SERTM2: variants seen among roughly 807,000 people sequenced by gnomAD.
SERTM2 encodes serine-rich and transmembrane domain-containing protein 2.
intron 2 of SERTM2, among the ~76,000 whole-genome samples, chrX:111,516,442 A>G (rs988604272): frequency 1.0e-4 from 11 of 110,023 alleles, no homozygotes; most frequent in African/African-American, 3.6e-4. Context: ...TAGCTGGGCT[A>G]TCTAGAGAGA....
rs1244073873 is a variant in SERTM2 at position 111,520,518 on chromosome X, T to C, written c.*1388T>C. ...TAATGATGGTAAGAGAGAAATCAAA[T>C]AGATGTTAGATTAATGCCACCTCCA... On this transcript the variant is annotated 3_prime_UTR_variant, in exon 3 of 3. Transcript: ENST00000569275. The C allele has an allele frequency of 1.8e-5, 2 of 111,908 alleles. No individual in the cohort carries two copies. Among genetic ancestry groups the C allele is most frequent in the African/African-American group, 3.3e-5 (1 of 30,766 alleles). The allele number at this position is 111,908 out of a possible 1,213,427, so 9.2% of individuals were successfully genotyped here. A position where few individuals can be genotyped will look rare whatever the true frequency, so the allele number is the denominator to read the frequency against.
Position 111,518,683 on chromosome X carries a change from C to T in SERTM2, c.-175C>T, listed in dbSNP as rs1367321339. 6.8e-6 allele frequency: 2 copies of T among 292,882 alleles called. No individual in the cohort carries two copies. Among genetic ancestry groups the T allele is most frequent in the Non-Finnish European group, 1.2e-5 (2 of 168,533 alleles). The allele number at this position is 292,882 out of a possible 1,213,427, so 24.1% of individuals were successfully genotyped here. A position where few individuals can be genotyped will look rare whatever the true frequency, so the allele number is the denominator to read the frequency against. On this transcript the variant is annotated 5_prime_UTR_variant, in exon 3 of 3. Coordinates refer to ENST00000569275, the MANE Select transcript of SERTM2 (RefSeq NM_001354473.2). Reference sequence around the variant, plus strand: ...AGGATAGAGAGGGTGTTGCAATTGTCAAATAGCATCACCATTTTCTGCTTG... The same window carrying T: ...AGGATAGAGAGGGTGTTGCAATTGTTAAATAGCATCACCATTTTCTGCTTG...
intron 2 of SERTM2, among the ~76,000 whole-genome samples, chrX:111,514,957 T>C (rs1332410933): frequency 9.1e-6 from 1 of 110,138 alleles, no homozygotes; most frequent in Non-Finnish European, 1.9e-5. Flanking sequence ...TATTGGTTAT[T>C]GGTTATTTCT....
intron 1 of SERTM2, 24 bp downstream of exon 1, chrX:111,511,858 G>A: frequency 3.6e-6 from 1 of 280,760 alleles, no homozygotes; most frequent in East Asian, 5.0e-5. Flanking sequence ...GACATTTTAA[G>A]TAACATTTTA....
Position 111,512,062 on chromosome X carries a change from G to T in SERTM2, c.-816G>T. On this transcript the variant is annotated 5_prime_UTR_variant, in exon 2 of 3. Transcript: ENST00000569275. ...AAAGCTTCAAAAGGGATACTTAAGTGACCAATCCTATTCATACTGTGGGCC... is the reference window on the plus strand; with the variant it reads ...AAAGCTTCAAAAGGGATACTTAAGTTACCAATCCTATTCATACTGTGGGCC... 3.4e-6 allele frequency: 1 copy of T among 296,237 alleles called. No individual in the cohort carries two copies. Among genetic ancestry groups the T allele is most frequent in the South Asian group, 2.0e-4 (1 of 5,002 alleles). 24.4% of individuals were successfully genotyped at this position (296,237 alleles called of 1,213,427 possible).
At chrX:111,516,561 T>C (rs1165807104) in intron 2 of SERTM2, among the ~76,000 whole-genome samples, 2 of 110,932 alleles carry the variant, frequency 1.8e-5, no homozygotes, top group African/African-American at 6.6e-5. Flanking sequence ...AATATCAAAA[T>C]AGCTGCACTT....
chrX:111,514,890 T>G (rs918913063), intron 2 of SERTM2, among the ~76,000 whole-genome samples: 28 of 106,440 alleles, frequency 2.6e-4, no homozygotes, highest in African/African-American at 8.5e-4. Context: ...GGCATAGGGG[T>G]GTGTGTGTGT....
intron 2 of SERTM2, among the ~76,000 whole-genome samples, chrX:111,516,396 T>C (rs780632766): frequency 1.3e-4 from 14 of 109,540 alleles, no homozygotes; most frequent in Non-Finnish European, 2.5e-4. Context: ...AAGTACAGCC[T>C]CCAAACAACC....
At chrX:111,515,520 C>T (rs1256343121) in intron 2 of SERTM2, among the ~76,000 whole-genome samples, 1 of 111,345 alleles carries the variant, frequency 9.0e-6, no homozygotes, top group Non-Finnish European at 1.9e-5. Flanking sequence ...GTGCTCTGTT[C>T]TATTTGTAGA....
At position 111,520,757 on chromosome X, in the gene SERTM2, T is replaced by G. The variant is rs760286761; in HGVS notation, c.*1627T>G. Reference sequence around the variant, plus strand: ...CTGACTCTGCCACACCTGTTACAACTGTGCACTGTCAGAGATGGGAGCTGC... The same window carrying G: ...CTGACTCTGCCACACCTGTTACAACGGTGCACTGTCAGAGATGGGAGCTGC... On this transcript the variant is annotated 3_prime_UTR_variant, in exon 3 of 3. Coordinates refer to ENST00000569275, the MANE Select transcript of SERTM2 (RefSeq NM_001354473.2). 6 of 112,473 alleles carry G rather than the reference T, an allele frequency of 5.3e-5. No individual in the cohort carries two copies. Among genetic ancestry groups the G allele is most frequent in the African/African-American group, 1.3e-4 (4 of 30,904 alleles). 9.3% of individuals were successfully genotyped at this position (112,473 alleles called of 1,213,427 possible).
rs1930358286 is a variant in SERTM2, at chrX:111,518,622, T to C, written c.-236T>C. 3.5e-6 allele frequency: 1 copy of C among 288,209 alleles called. No individual in the cohort carries two copies. Among genetic ancestry groups the C allele is most frequent in the Non-Finnish European group, 6.0e-6 (1 of 165,361 alleles). 23.8% of individuals were successfully genotyped at this position (288,209 alleles called of 1,213,427 possible). On this transcript the variant is annotated 5_prime_UTR_variant, in exon 3 of 3. Transcript: ENST00000569275. ...TTTTTAAAAATTGATTAAGAAGCTC[T>C]GATAAAACCTATTGGAGGGGCGATT...
intron 2 of SERTM2, among the ~76,000 whole-genome samples, chrX:111,515,827 T>C (rs1205866078): frequency 9.1e-6 from 1 of 110,448 alleles, no homozygotes; most frequent in Admixed American, 9.6e-5. Context: ...AGGGTCCGTG[T>C]TTTTATTCAT....
chrX:111,520,978 C>A lies in SERTM2; in HGVS notation c.*1848C>A, dbSNP rs911910457. 7 of 111,424 alleles carry A rather than the reference C, an allele frequency of 6.3e-5. No individual in the cohort carries two copies. The highest frequency in any genetic ancestry group is 1.6e-4 in the African/African-American group (5 of 30,598). The allele number at this position is 111,424 out of a possible 1,213,427, so 9.2% of individuals were successfully genotyped here. A position where few individuals can be genotyped will look rare whatever the true frequency, so the allele number is the denominator to read the frequency against. Reference sequence around the variant, plus strand: ...ATGGACTTCCTCAAGACTGGCAACACCCCCCCTCCAGAACTTCTTAAGAAC... The same window carrying A: ...ATGGACTTCCTCAAGACTGGCAACAACCCCCCTCCAGAACTTCTTAAGAAC... On this transcript the variant is annotated 3_prime_UTR_variant, in exon 3 of 3. Transcript: ENST00000569275.
intron 2 of SERTM2, among the ~76,000 whole-genome samples, chrX:111,513,586 G>A (rs1200633642): frequency 9.0e-6 from 1 of 111,586 alleles, no homozygotes; most frequent in East Asian, 2.8e-4. Context: ...TGACAATCCT[G>A]TTTGAAAAGC....
rs978275484 is a variant in SERTM2, at chrX:111,521,391, A to C, written c.*2261A>C. 3.6e-5 allele frequency: 4 copies of C among 111,452 alleles called. No individual in the cohort carries two copies. In the Admixed American group the frequency reaches 3.8e-4, roughly 11 times the overall value. The allele number at this position is 111,452 out of a possible 1,213,427, so 9.2% of individuals were successfully genotyped here. On this transcript the variant is annotated 3_prime_UTR_variant, in exon 3 of 3. Transcript: ENST00000569275. The stretch of plus-strand genomic sequence containing the variant: ...GCACAGATTACACCAAAATAGCAGC[A>C]TAACACCCCCCACCCAATTTCCAGT...
chrX:111,512,235 T>C, intron 2 of SERTM2, 141 bp downstream of exon 2: 1 of 281,110 alleles, frequency 3.6e-6, no homozygotes, highest in Admixed American at 6.2e-5. Flanking sequence ...TATTACTTAA[T>C]GGCTCCAGCC....
At chrX:111,516,298 G>C (rs7888891) in intron 2 of SERTM2, among the ~76,000 whole-genome samples, 3 of 107,401 alleles carry the variant, frequency 2.8e-5, no homozygotes, top group African/African-American at 1.0e-4. Flanking sequence ...TCCAAATAAG[G>C]TTACATTCAC....
chrX:111,513,238 T>C (rs1930259118), intron 2 of SERTM2, among the ~76,000 whole-genome samples: 1 of 109,432 alleles, frequency 9.1e-6, no homozygotes, highest in South Asian at 4.0e-4. Context: ...CATTTCTTTC[T>C]TTTCCTCCTC....
intron 2 of SERTM2, among the ~76,000 whole-genome samples, chrX:111,515,476 G>A (rs1311333060): frequency 9.0e-6 from 1 of 111,104 alleles, no homozygotes; most frequent in Non-Finnish European, 1.9e-5. Context: ...TGAGCTGTGT[G>A]GGCTGTCTGG....
Sources: gnomAD v4.1 joint callset for allele counts (sites outside exome capture counted in the v4.1 genomes callset) on GRCh38, gnomAD v4.1.1 for gene constraint, MANE v1.5 for transcripts, NCBI Gene and HGNC (gene_info 2026-07-23, HGNC 2026-07-21) for gene names.